The following MBD5 variants were observed in gnomAD, a reference collection of about 807,000 sequenced individuals.
The protein encoded by MBD5 is methyl-CpG binding domain protein 5, also known as methyl-CpG-binding domain protein 5.
MBD5 carries 13 observed loss-of-function variants against 117.3 expected under a neutral mutation model. The observed-to-expected ratio is 0.11, with a 90% CI of 0.07 to 0.18. The LOEUF (loss-of-function observed/expected upper bound fraction) is 0.18. Ranked by LOEUF, MBD5 falls within the 10% of genes least tolerant of loss-of-function variation. MBD5 has a pLI of 1.00. For missense variants in MBD5, 1,879 were observed against 2,093.8 expected (o/e 0.90, Z 2.00); for synonymous variants, 727 against 766.4 (o/e 0.95, Z 0.85).
intron 3 of MBD5, among the ~76,000 whole-genome samples, chr2:148,263,969 G>A (rs1700792676): frequency 6.6e-6 from 1 of 152,132 alleles, no homozygotes; most frequent in Admixed American, 6.6e-5. Context: ...AGAGAAAGCA[G>A]ACATTTGCAT....
intron 8 of MBD5, among the ~76,000 whole-genome samples, chr2:148,477,220 T>C (rs1356652769): frequency 6.6e-6 from 1 of 152,082 alleles, no homozygotes; most frequent in East Asian, 1.9e-4. Flanking sequence ...ACAGACATCA[T>C]ATTCCAAGAT....
chr2:148,145,255 T>C (rs1468959296), intron 1 of MBD5, among the ~76,000 whole-genome samples: 2 of 152,198 alleles, frequency 1.3e-5, no homozygotes, highest in African/African-American at 4.8e-5. Context: ...TGTTTGTCTG[T>C]TATTGCTTTA....
chr2:148,302,085 G>C (rs1388020398), intron 3 of MBD5, among the ~76,000 whole-genome samples: 8 of 152,134 alleles, frequency 5.3e-5, no homozygotes, highest in Admixed American at 5.2e-4. Flanking sequence ...AACAATACTA[G>C]CTGTATAAGA....
intron 3 of MBD5, among the ~76,000 whole-genome samples, chr2:148,319,933 T>C (rs1444729314): frequency 1.3e-5 from 2 of 152,194 alleles, no homozygotes; most frequent in South Asian, 2.1e-4. Context: ...GTTTCTTCTA[T>C]GCCTAGTTTG....
rs1681448202 is a variant in MBD5 at position 148,489,516 on chromosome 2, G to A, written c.3884G>A (p.Arg1295Lys). 6.2e-7 allele frequency: 1 copy of A among 1,614,162 alleles called. No homozygotes were observed. The highest frequency in any genetic ancestry group is 8.5e-7 in the Non-Finnish European group (1 of 1,180,028). Residue 1295 changes from arginine (R) to lysine (K), a missense_variant, in exon 11 of 14, where the codon AGG becomes AAG. Arg to Lys is a conservative substitution (Grantham distance 26, BLOSUM62 2). Transcript: ENST00000642680. ...GATACACCTTGTGAGTTGCAACCGA[G>A]GATTGACCCATCTCTTGGTCAACAG... is the stretch of plus-strand genomic sequence containing the variant. ...FQDTPCELQPRIDPSLGQQVK... is the reference protein window; with the variant it reads ...FQDTPCELQPKIDPSLGQQVK...
intron 1 of MBD5, among the ~76,000 whole-genome samples, chr2:148,030,239 C>CTT (rs1694001361): frequency 6.6e-6 from 1 of 151,712 alleles, no homozygotes; most frequent in Non-Finnish European, 1.5e-5. Flanking sequence ...CATGCCACTG[C>CTT]ACTTCAGCCT....
chr2:148,245,730 A>T (rs1031547740), intron 3 of MBD5, among the ~76,000 whole-genome samples: 1 of 152,118 alleles, frequency 6.6e-6, no homozygotes, highest in Admixed American at 6.5e-5. Context: ...ATTTTCTTCT[A>T]ACTCTCCCAC....
chr2:148,232,699 T>C (rs973052598), intron 2 of MBD5, among the ~76,000 whole-genome samples: 1 of 151,752 alleles, frequency 6.6e-6, no homozygotes, highest in Non-Finnish European at 1.5e-5. Flanking sequence ...GCCAACACTG[T>C]ATAGATACTT....
chr2:148,456,031 T>TCCTAACTTCCCC (rs1232628015), intron 4 of MBD5, among the ~76,000 whole-genome samples: 1 of 152,166 alleles, frequency 6.6e-6, no homozygotes, highest in African/African-American at 2.4e-5. Context: ...GATTGACCCG[T>TCCTAACTTCCCC]CCTAACTTCC....
rs564740148 is a variant in MBD5, at chr2:148,362,104, C to T, written c.-557+19768C>T. 5.3e-5 allele frequency among the ~76,000 whole-genome samples: 8 copies of T among 152,240 alleles called. No individual in the cohort carries two copies. The East Asian group carries it at 1.4e-3, about 26-fold the overall frequency. On this transcript the variant is annotated intron_variant, in intron 4 of 13. Transcript: ENST00000642680. ...GCTAGCTGCCGGAGTTTTTTTCATA[C>T]CCCAGTGGCCCCTGGAATGCCAGCA...
At chr2:148,462,815 A>G in intron 6 of MBD5, 131 bp downstream of exon 6, 3 of 675,912 alleles carry the variant, frequency 4.4e-6, no homozygotes, top group South Asian at 3.5e-5. Flanking sequence ...TCTAATTCTC[A>G]TATTTTGCAT....
intron 1 of MBD5, among the ~76,000 whole-genome samples, chr2:148,080,692 A>G (rs1695627134): frequency 1.3e-5 from 2 of 152,194 alleles, no homozygotes; most frequent in African/African-American, 4.8e-5. Context: ...CTAAATTTAA[A>G]AGGAAATAAA....
At chr2:148,120,122 C>T (rs1385032217) in intron 1 of MBD5, among the ~76,000 whole-genome samples, 1 of 152,114 alleles carries the variant, frequency 6.6e-6, no homozygotes, top group African/African-American at 2.4e-5. Context: ...CCGTATTGCT[C>T]AGGCTGGTCT....
At chr2:148,282,188 A>G (rs540545151) in intron 3 of MBD5, among the ~76,000 whole-genome samples, 3 of 152,298 alleles carry the variant, frequency 2.0e-5, no homozygotes, top group African/African-American at 4.8e-5. Context: ...TGCCAGTACC[A>G]TCTTGACCAG....
chr2:148,035,965 T>G (rs1261467871), intron 1 of MBD5, among the ~76,000 whole-genome samples: 1 of 152,222 alleles, frequency 6.6e-6, no homozygotes. Flanking sequence ...TTAGTTGTAC[T>G]ATAGAAAATA....
rs149649408 is a variant in MBD5, at chr2:148,130,619, A to G, written c.-924-48081A>G. On this transcript the variant is annotated intron_variant, in intron 1 of 13. Coordinates refer to ENST00000642680, the MANE Select transcript of MBD5 (RefSeq NM_001378120.1). ...TATCTCACAGACCGGTTAAATTACA[A>G]TACCAAAGAGGTTCTTATGACTCCT... 2.7e-3 allele frequency among the ~76,000 whole-genome samples: 416 copies of G among 152,238 alleles called. 2 individuals are homozygous for G. Among genetic ancestry groups the G allele is most frequent in the Non-Finnish European group, 4.1e-3 (278 of 67,996 alleles).
chr2:148,136,150 A>C (rs1206930872), intron 1 of MBD5, among the ~76,000 whole-genome samples: 4 of 152,190 alleles, frequency 2.6e-5, no homozygotes, highest in Non-Finnish European at 4.4e-5. Flanking sequence ...CACATTTCCA[A>C]CAAGTTAAAT....
intron 4 of MBD5, among the ~76,000 whole-genome samples, chr2:148,354,801 G>A (rs752146761): frequency 6.6e-5 from 10 of 152,082 alleles, no homozygotes; most frequent in Non-Finnish European, 1.3e-4. Flanking sequence ...TTTAATAATT[G>A]CCATTCTAAC....
chr2:148,108,268 A>G (rs537172475), intron 1 of MBD5, among the ~76,000 whole-genome samples: 12 of 152,342 alleles, frequency 7.9e-5, no homozygotes, highest in African/African-American at 2.6e-4. Context: ...ATACTAATTT[A>G]CCATGAGCAA....
Sources: allele counts gnomAD v4.1 joint callset (sites outside exome capture counted in the v4.1 genomes callset), GRCh38; gene constraint gnomAD v4.1.1; transcripts MANE v1.5; gene names NCBI Gene and HGNC (gene_info 2026-07-23, HGNC 2026-07-21).